The following FHIT variants were observed in gnomAD, a reference collection of about 807,000 sequenced individuals.
FHIT encodes bis(5'-adenosyl)-triphosphatase.
Under a neutral mutation model 17.9 loss-of-function variants are expected in FHIT, and 19 were observed. The ratio of observed to expected loss-of-function variants is 1.06; its 90% CI spans 0.74 to 1.56. The LOEUF is 1.56. Among genes scored for constraint, FHIT ranks in the 40% most tolerant of loss-of-function variants. The pLI is 0.00. For missense variants in FHIT, 248 were observed against 189.2 expected (o/e 1.31, Z -1.82); for synonymous variants, 81 against 69.7 (o/e 1.16, Z -0.81).
At chr3:61,189,743 T>C (rs2038651887) in intron 2 of FHIT, among the ~76,000 whole-genome samples, 1 of 150,958 alleles carries the variant, frequency 6.6e-6, no homozygotes, top group African/African-American at 2.4e-5. Context: ...GAGACATAGA[T>C]CAATGGAACA....
At chr3:59,898,331 A>T (rs1210090163) in intron 8 of FHIT, among the ~76,000 whole-genome samples, 1 of 152,128 alleles carries the variant, frequency 6.6e-6, no homozygotes, top group Non-Finnish European at 1.5e-5. Flanking sequence ...AAAATCTGAC[A>T]ACTGAACCAC....
At chr3:61,145,744 C>A (rs2037208581) in intron 2 of FHIT, among the ~76,000 whole-genome samples, 1 of 122,210 alleles carries the variant, frequency 8.2e-6, no homozygotes, top group African/African-American at 2.9e-5. Flanking sequence ...TAAGTTTATT[C>A]TTAGATATTT....
chr3:59,870,178 C>G (rs748574739), intron 8 of FHIT, among the ~76,000 whole-genome samples: 1 of 152,186 alleles, frequency 6.6e-6, no homozygotes. Context: ...TACTCTACCC[C>G]TGCATCGCGA....
intron 5 of FHIT, among the ~76,000 whole-genome samples, chr3:60,324,586 A>AAAAAG (rs1209304339): frequency 6.6e-6 from 1 of 151,890 alleles, no homozygotes; most frequent in African/African-American, 2.4e-5. Context: ...AAAAAAAAAA[A>AAAAAG]AGAATTCCAG....
chr3:60,981,590 C>T (rs1049261438), intron 3 of FHIT, among the ~76,000 whole-genome samples: 6 of 152,046 alleles, frequency 3.9e-5, no homozygotes, highest in South Asian at 2.1e-4. Context: ...GGATTACAGG[C>T]GTAAGCCACG....
intron 7 of FHIT, among the ~76,000 whole-genome samples, chr3:59,934,913 G>A (rs1706157911): frequency 6.6e-6 from 1 of 152,120 alleles, no homozygotes; most frequent in Admixed American, 6.5e-5. Flanking sequence ...GATGAGATTT[G>A]GGTGCGGATG....
chr3:60,264,771 C>T (rs543138611), intron 5 of FHIT, among the ~76,000 whole-genome samples: 31 of 152,010 alleles, frequency 2.0e-4, no homozygotes, highest in Middle Eastern at 3.4e-3. Flanking sequence ...AAACCATGTA[C>T]TCATTAATGA....
intron 5 of FHIT, among the ~76,000 whole-genome samples, chr3:60,409,763 A>T (rs35231061): frequency 6.6e-6 from 1 of 152,174 alleles, no homozygotes; most frequent in Non-Finnish European, 1.5e-5. Context: ...TACAATGCAA[A>T]AATCTCAATT....
chr3:59,977,643 G>A (rs1447318553), intron 7 of FHIT, among the ~76,000 whole-genome samples: 3 of 152,052 alleles, frequency 2.0e-5, no homozygotes, highest in Non-Finnish European at 2.9e-5. Flanking sequence ...TCATTGTTTC[G>A]TCTAACAATT....
chr3:60,480,180 G>A (rs751469148), intron 5 of FHIT, among the ~76,000 whole-genome samples: 4 of 152,086 alleles, frequency 2.6e-5, no homozygotes, highest in Non-Finnish European at 4.4e-5. Flanking sequence ...ACCAGCAGGG[G>A]AGAGTCCGGA....
chr3:59,834,467 T>G (rs1196113410), intron 8 of FHIT, among the ~76,000 whole-genome samples: 1 of 152,172 alleles, frequency 6.6e-6, no homozygotes, highest in Non-Finnish European at 1.5e-5. Context: ...TATCAAAATA[T>G]TATAAACTGG....
chr3:60,124,051 G>GAGAGAGAGAGAGAGAC (rs1559653981), intron 5 of FHIT, among the ~76,000 whole-genome samples: 12 of 118,792 alleles, frequency 1.0e-4, no homozygotes, highest in African/African-American at 3.9e-4. Context: ...GAGAGAGAGA[G>GAGAGAGAGAGAGAGAC]AGAGACAGAG....
chr3:60,774,347 C>A (rs942737710), intron 4 of FHIT, among the ~76,000 whole-genome samples: 4 of 152,114 alleles, frequency 2.6e-5, no homozygotes. Flanking sequence ...GTTGCCCAGG[C>A]TGGGGTGCAA....
At chr3:60,055,448 C>CT (rs4024133) in intron 5 of FHIT, among the ~76,000 whole-genome samples, 10,643 of 143,058 alleles carry the variant, frequency 0.074, 764 homozygotes, top group African/African-American at 0.19. Context: ...GATGGACTTT[C>CT]TTTTTTTTTT....
chr3:60,440,903 T>C (rs1324875468), intron 5 of FHIT, among the ~76,000 whole-genome samples: 1 of 152,140 alleles, frequency 6.6e-6, no homozygotes, highest in Admixed American at 6.6e-5. Flanking sequence ...TTTAAGATGC[T>C]TTGGGTTTTA....
chr3:60,616,329 C>T (rs2038948429), intron 4 of FHIT, among the ~76,000 whole-genome samples: 2 of 152,218 alleles, frequency 1.3e-5, no homozygotes, highest in Non-Finnish European at 2.9e-5. Flanking sequence ...AGGAAATTCA[C>T]AAAAGCAACA....
intron 5 of FHIT, among the ~76,000 whole-genome samples, chr3:60,307,650 G>A (rs903521388): frequency 6.6e-6 from 1 of 152,106 alleles, no homozygotes; most frequent in African/African-American, 2.4e-5. Context: ...GAGCTACATT[G>A]CATTGTTGTT....
At chr3:60,205,502 C>T (rs1703130289) in intron 5 of FHIT, among the ~76,000 whole-genome samples, 1 of 151,950 alleles carries the variant, frequency 6.6e-6, no homozygotes. Context: ...AAATGATGAG[C>T]CAAAGGATAG....
At chr3:60,213,901 C>G (rs1205538400) in intron 5 of FHIT, among the ~76,000 whole-genome samples, 1 of 152,142 alleles carries the variant, frequency 6.6e-6, no homozygotes, top group African/African-American at 2.4e-5. Context: ...TCTCCTATCT[C>G]TAAGTCATAA....
Sources: gnomAD v4.1 joint callset for allele counts (sites outside exome capture counted in the v4.1 genomes callset) on GRCh38, gnomAD v4.1.1 for gene constraint, MANE v1.5 for transcripts, NCBI Gene and HGNC (gene_info 2026-07-23, HGNC 2026-07-21) for gene names.